Variants in TRAPPC9 observed in about 807,000 individuals in gnomAD.
TRAPPC9 encodes IKK2 binding protein.
A neutral mutation model predicts 124.0 loss-of-function variants in TRAPPC9; 83 were observed. That is an observed-to-expected ratio of 0.67 (90% CI 0.56 to 0.80). TRAPPC9 has a LOEUF of 0.80. TRAPPC9 is among the 30% of genes least tolerant of loss of function. The pLI, the probability that TRAPPC9 is intolerant of heterozygous loss-of-function variation, is 0.00. For synonymous variants in TRAPPC9, 638 were observed against 617.5 expected, an observed-to-expected ratio of 1.03 and a Z score of -0.49; for missense variants, 1,302 against 1,508.3, an observed-to-expected ratio of 0.86 and a Z score of 2.27.
At chr8:140,066,159 A>G (rs907903926) in intron 17 of TRAPPC9, among the ~76,000 whole-genome samples, 3 of 152,262 alleles carry the variant, frequency 2.0e-5, no homozygotes, top group Admixed American at 2.0e-4. Context: ...CAGAGGAAGT[A>G]ACTGCAGATA....
rs1335900148 is a variant in TRAPPC9 at position 140,087,969 on chromosome 8, C to T, written c.2557-63890G>A. On this transcript the variant is annotated intron_variant, in intron 17 of 22. Transcript: ENST00000438773. The surrounding 1 kb of genome is among the most constrained non-coding windows in gnomAD (Gnocchi z 4.6). ...GCCTCTGCACCAGCTGTGATTTCTG[C>T]TTGGAAGATGTGGCTTACCAGAGCC... 6.6e-6 allele frequency among the ~76,000 whole-genome samples: 1 copy of T among 151,980 alleles called. No homozygotes were observed.
chr8:140,129,495 G>A (rs1261162583), intron 17 of TRAPPC9, among the ~76,000 whole-genome samples: 7 of 152,174 alleles, frequency 4.6e-5, no homozygotes, highest in Admixed American at 3.9e-4. Flanking sequence ...GCCAAGGAGG[G>A]GTCTAAAGGG....
At chr8:140,334,409 G>C (rs2066980057) in intron 9 of TRAPPC9, among the ~76,000 whole-genome samples, 1 of 151,774 alleles carries the variant, frequency 6.6e-6, no homozygotes. Context: ...CAGCACTTTG[G>C]GAGGCCAAGG....
At chr8:140,199,654 A>G (rs1297181396) in intron 17 of TRAPPC9, among the ~76,000 whole-genome samples, 2 of 151,908 alleles carry the variant, frequency 1.3e-5, no homozygotes, top group East Asian at 3.9e-4. Flanking sequence ...ATCACTAAGC[A>G]TCCCAAAGTC....
chr8:140,346,909 T>C (rs966844224), intron 9 of TRAPPC9, among the ~76,000 whole-genome samples: 1 of 152,092 alleles, frequency 6.6e-6, no homozygotes, highest in South Asian at 2.1e-4. Flanking sequence ...CTCGGCTGAG[T>C]TGGAATGACA....
intron 19 of TRAPPC9, among the ~76,000 whole-genome samples, chr8:139,913,696 C>A (rs571898496): frequency 1.3e-5 from 2 of 152,196 alleles, no homozygotes; most frequent in African/African-American, 4.8e-5. Flanking sequence ...CCAAAGGCCG[C>A]GTTCCTTTTC....
intron 18 of TRAPPC9, 31 bp downstream of exon 18, chr8:140,023,906 C>T: frequency 6.2e-7 from 1 of 1,613,808 alleles, no homozygotes; most frequent in Non-Finnish European, 8.5e-7. Flanking sequence ...GACTCTAGAA[C>T]AAGACGGCTG....
At chr8:140,357,325 A>T (rs912448841) in intron 9 of TRAPPC9, among the ~76,000 whole-genome samples, 8 of 152,134 alleles carry the variant, frequency 5.3e-5, no homozygotes, top group Non-Finnish European at 1.2e-4. Context: ...AAGATGCAGC[A>T]GACACAGCAG....
Position 139,984,249 on chromosome 8 carries a change from C to T in TRAPPC9, c.2810+4477G>A, listed in dbSNP as rs796299500. ...GCTCTTCCTTTAAGAGTAGGCTGTG[C>T]TATCTGCAGAGAAAAGTTCTGTGCA... is the stretch of plus-strand genomic sequence containing the variant. On this transcript the variant is annotated intron_variant, in intron 19 of 22. Transcript: ENST00000438773. This position sits in a 1 kb window ranked among gnomAD's most constrained non-coding sequence, Gnocchi z 4.3. 2.1e-4 allele frequency among the ~76,000 whole-genome samples: 32 copies of T among 152,264 alleles called. No individual in the cohort carries two copies. Among genetic ancestry groups the T allele is most frequent in the African/African-American group, 7.2e-4 (30 of 41,548 alleles).
chr8:139,784,646 A>ATATAT (rs1290029459), intron 21 of TRAPPC9, among the ~76,000 whole-genome samples: 9 of 79,268 alleles, frequency 1.1e-4, no homozygotes, highest in Non-Finnish European at 1.6e-4. Context: ...TATATATATA[A>ATATAT]ATCAACTGCA....
intron 17 of TRAPPC9, among the ~76,000 whole-genome samples, chr8:140,042,523 C>A (rs1428274201): frequency 1.3e-5 from 2 of 152,190 alleles, no homozygotes; most frequent in Non-Finnish European, 2.9e-5. Flanking sequence ...TAGTTCCCCA[C>A]TTTTTCAGCT....
chr8:140,055,061 C>T (rs925379044), intron 17 of TRAPPC9, among the ~76,000 whole-genome samples: 1 of 152,166 alleles, frequency 6.6e-6, no homozygotes, highest in Non-Finnish European at 1.5e-5. Flanking sequence ...CAGCATTATC[C>T]TAATCCCAAA....
intron 10 of TRAPPC9, among the ~76,000 whole-genome samples, chr8:140,306,006 T>A (rs1350361557): frequency 2.0e-5 from 3 of 152,262 alleles, no homozygotes; most frequent in Non-Finnish European, 1.5e-5. Context: ...GGCATAAATA[T>A]GTCAATGCAT....
At chr8:140,307,417 A>G (rs2066167764) in intron 10 of TRAPPC9, among the ~76,000 whole-genome samples, 4 of 152,200 alleles carry the variant, frequency 2.6e-5, no homozygotes, top group Admixed American at 2.6e-4. Context: ...ATCAGCTGCT[A>G]TTACAAAATA....
At chr8:139,859,194 C>T (rs907474722) in intron 21 of TRAPPC9, among the ~76,000 whole-genome samples, 3 of 151,896 alleles carry the variant, frequency 2.0e-5, no homozygotes, top group African/African-American at 4.8e-5. Flanking sequence ...GAGCTGCCTG[C>T]GTCTGATGCC....
intron 21 of TRAPPC9, among the ~76,000 whole-genome samples, chr8:139,774,422 GT>G (rs948418332): frequency 1.6e-4 from 24 of 152,192 alleles, no homozygotes; most frequent in African/African-American, 5.5e-4. Context: ...GTGTGTCTGT[GT>G]GTGAGTGCAT....
intron 21 of TRAPPC9, among the ~76,000 whole-genome samples, chr8:139,734,519 A>G (rs995996070): frequency 6.6e-6 from 1 of 152,242 alleles, no homozygotes; most frequent in Non-Finnish European, 1.5e-5. Context: ...CACAAGAGAA[A>G]TAAACATTTC....
Position 139,732,009 on chromosome 8 carries a change from G to T in TRAPPC9, c.3249C>A (p.Phe1083Leu), listed in dbSNP as rs112551069. The T allele has an allele frequency of 1.3e-6, 2 of 1,596,112 alleles. No homozygotes were observed. Among genetic ancestry groups the T allele is most frequent in the Non-Finnish European group, 1.7e-6 (2 of 1,171,108 alleles). ...CGAGGTAGAAGGTGCTGGAGCCCAC[G>T]AAGGAGACGGTGTCGTGCAGGTCGT... The part of the protein sequence containing the change: ...HNYDLHDTVS[F>L]VGSSTFYLDA... Residue 1083 changes from phenylalanine to leucine, a missense_variant, in exon 22 of 23, where the codon TTC (phenylalanine) becomes TTA (leucine). Around this residue, in one of 3 missense-constraint regions of TRAPPC9, gnomAD observed 640 missense variants for 679.3 expected, o/e 0.94. Coordinates refer to ENST00000438773, the MANE Select transcript of TRAPPC9 (RefSeq NM_001160372.4).
At chr8:139,791,744 C>A (rs1246301616) in intron 21 of TRAPPC9, among the ~76,000 whole-genome samples, 2 of 152,218 alleles carry the variant, frequency 1.3e-5, no homozygotes, top group Non-Finnish European at 2.9e-5. Flanking sequence ...CAGGGGCAGC[C>A]CTGGCTCTGT....
Sources: allele counts gnomAD v4.1 joint callset (sites outside exome capture counted in the v4.1 genomes callset), GRCh38; gene constraint gnomAD v4.1.1; regional missense constraint gnomAD v4.1.1; non-coding constraint Gnocchi (gnomAD v3.1); transcripts MANE v1.5; gene names NCBI Gene and HGNC (gene_info 2026-07-23, HGNC 2026-07-21).